Variants in NRXN1 observed in about 807,000 individuals in gnomAD.
NRXN1 encodes the protein neurexin-1.
A neutral mutation model predicts 150.9 loss-of-function variants in NRXN1; 39 were observed. The observed-to-expected ratio is 0.26, with a 90% CI of 0.20 to 0.34. NRXN1 has a LOEUF of 0.34. Ranked by LOEUF, NRXN1 falls within the 10% of genes least tolerant of loss-of-function variation. The probability of loss-of-function intolerance (pLI) is 1.00; values close to 1 mark genes in which losing one functional copy is unlikely to be tolerated. For synonymous variants in NRXN1, 924 were observed against 757.0 expected, an observed-to-expected ratio of 1.22 and a Z score of -3.62; for missense variants, 1,815 against 1,949.9, an observed-to-expected ratio of 0.93 and a Z score of 1.30.
At chr2:50,125,343 G>C (rs1704421580) in intron 18 of NRXN1, among the ~76,000 whole-genome samples, 1 of 152,074 alleles carries the variant, frequency 6.6e-6, no homozygotes, top group Non-Finnish European at 1.5e-5. Context: ...TGTTGTTGTT[G>C]TTTTAATTCA....
At chr2:50,505,024 C>T (rs1228974200) in intron 13 of NRXN1, among the ~76,000 whole-genome samples, 2 of 152,110 alleles carry the variant, frequency 1.3e-5, no homozygotes, top group Non-Finnish European at 2.9e-5. Context: ...ATAAAGTACT[C>T]AAGTCAACCA....
At chr2:50,569,871 T>C (rs1026158014) in intron 8 of NRXN1, among the ~76,000 whole-genome samples, 1 of 152,134 alleles carries the variant, frequency 6.6e-6, no homozygotes, top group Non-Finnish European at 1.5e-5. Context: ...ATTTTAGCTC[T>C]CCACATTAAG....
intron 8 of NRXN1, among the ~76,000 whole-genome samples, chr2:50,598,312 T>C (rs755861498): frequency 6.6e-6 from 1 of 152,024 alleles, no homozygotes. Flanking sequence ...TAGAATCACA[T>C]TGATTTAGTT....
intron 16 of NRXN1, among the ~76,000 whole-genome samples, chr2:50,471,412 C>A (rs1158566820): frequency 6.6e-6 from 1 of 151,810 alleles, no homozygotes; most frequent in Non-Finnish European, 1.5e-5. Flanking sequence ...CAGTTCCATC[C>A]AAGTTGCTAC....
At position 50,533,951 on chromosome 2, in the gene NRXN1, A is replaced by G. The variant is rs183190212; in HGVS notation, c.2144-2521T>C. ...GTTGAAATGACCATTTCTTGTTTGT[A>G]GAGTATTATCTGTATATGCCCTTTA... On this transcript the variant is annotated intron_variant, in intron 10 of 22. Coordinates refer to ENST00000401669, the MANE Select transcript of NRXN1 (RefSeq NM_001330078.2). Among the ~76,000 whole-genome samples, 69 of 152,262 alleles carry G rather than the reference A, an allele frequency of 4.5e-4. 1 individual carries two copies. The highest frequency in any genetic ancestry group is 3.9e-3 in the Admixed American group (59 of 15,270).
chr2:50,212,914 T>C (rs2152846004), intron 18 of NRXN1, among the ~76,000 whole-genome samples: 1 of 152,084 alleles, frequency 6.6e-6, no homozygotes, highest in South Asian at 2.1e-4. Context: ...ATCATGAGAA[T>C]TTCCAAACTG....
intron 12 of NRXN1, among the ~76,000 whole-genome samples, chr2:50,522,897 A>AT (rs2092834452): frequency 3.1e-5 from 1 of 32,708 alleles, no homozygotes; most frequent in Non-Finnish European, 6.3e-5. Context: ...ATGCCCTGCT[A>AT]GTTTTTTTGT....
At chr2:50,791,931 C>A (rs927663068) in intron 5 of NRXN1, among the ~76,000 whole-genome samples, 1 of 152,038 alleles carries the variant, frequency 6.6e-6, no homozygotes, top group Non-Finnish European at 1.5e-5. Context: ...TGTTTCCATT[C>A]TACATGGGCT....
intron 17 of NRXN1, among the ~76,000 whole-genome samples, chr2:50,296,881 C>CTTTTTTTTT: frequency 8.9e-6 from 1 of 112,948 alleles, no homozygotes; most frequent in Non-Finnish European, 1.9e-5. Flanking sequence ...TTCTTTCTTT[C>CTTTTTTTTT]TTTTTTTTTT....
At chr2:50,905,806 A>G (rs1411038838) in intron 5 of NRXN1, among the ~76,000 whole-genome samples, 1 of 152,152 alleles carries the variant, frequency 6.6e-6, no homozygotes, top group Non-Finnish European at 1.5e-5. Flanking sequence ...AGGGCTTTGA[A>G]TAGAATTTAC....
intron 5 of NRXN1, among the ~76,000 whole-genome samples, chr2:50,842,199 G>C (rs1672978761): frequency 6.6e-6 from 1 of 152,032 alleles, no homozygotes; most frequent in African/African-American, 2.4e-5. Context: ...CCCAACACTT[G>C]GCCCTATTGT....
intron 2 of NRXN1, among the ~76,000 whole-genome samples, chr2:50,979,866 C>A (rs911470782): frequency 9.9e-5 from 15 of 152,126 alleles, no homozygotes; most frequent in African/African-American, 2.9e-4. Flanking sequence ...CTGAAGCACA[C>A]ATAATGGTTT....
chr2:50,854,973 T>G (rs574486444), intron 5 of NRXN1, among the ~76,000 whole-genome samples: 4 of 152,060 alleles, frequency 2.6e-5, no homozygotes, highest in African/African-American at 9.6e-5. Flanking sequence ...CTCCAGATAT[T>G]TGAATTATGT....
intron 21 of NRXN1, among the ~76,000 whole-genome samples, chr2:49,950,096 G>C (rs576903543): frequency 1.3e-5 from 2 of 151,970 alleles, no homozygotes; most frequent in South Asian, 4.1e-4. Flanking sequence ...TAGGAGGTAA[G>C]GGAAGTCATA....
intron 5 of NRXN1, among the ~76,000 whole-genome samples, chr2:50,857,748 T>G (rs1227265313): frequency 6.6e-6 from 1 of 152,068 alleles, no homozygotes. Context: ...AACCCTACAA[T>G]TCTCACCTCC....
intron 5 of NRXN1, among the ~76,000 whole-genome samples, chr2:50,839,192 A>G (rs1394807823): frequency 1.3e-5 from 2 of 152,164 alleles, no homozygotes; most frequent in African/African-American, 2.4e-5. Flanking sequence ...ATTTTTTTCT[A>G]AGTAGCCATG....
chr2:50,233,854 G>A (rs1373008116), intron 18 of NRXN1, among the ~76,000 whole-genome samples: 1 of 151,630 alleles, frequency 6.6e-6, no homozygotes, highest in Non-Finnish European at 1.5e-5. Flanking sequence ...ACAATTTATT[G>A]GGCAAACCAA....
intron 17 of NRXN1, among the ~76,000 whole-genome samples, chr2:50,372,921 C>T (rs761499566): frequency 1.3e-5 from 2 of 152,110 alleles, no homozygotes; most frequent in African/African-American, 4.8e-5. Context: ...CCTTACCATA[C>T]CTGCTTCTTG....
chr2:49,949,534 A>T (rs1673553984), intron 21 of NRXN1, among the ~76,000 whole-genome samples: 1 of 151,958 alleles, frequency 6.6e-6, no homozygotes, highest in Non-Finnish European at 1.5e-5. Context: ...AAACTATACT[A>T]TTAAGACAAA....
Sources: allele counts gnomAD v4.1 joint callset (sites outside exome capture counted in the v4.1 genomes callset), GRCh38; gene constraint gnomAD v4.1.1; transcripts MANE v1.5; gene names NCBI Gene and HGNC (gene_info 2026-07-23, HGNC 2026-07-21).